KLHL3: variants seen among roughly 807,000 people sequenced by gnomAD.
The protein encoded by KLHL3 is kelch like family member 3, also known as kelch-like protein 3.
A neutral mutation model predicts 70.5 loss-of-function variants in KLHL3; 19 were observed. That is an observed-to-expected ratio of 0.27 (90% CI 0.19 to 0.40). The LOEUF (loss-of-function observed/expected upper bound fraction) is 0.40, where lower values mean the gene tolerates loss of function less well. Among genes scored for constraint, KLHL3 ranks in the 10% least tolerant of loss-of-function variants. The pLI, the probability that KLHL3 is intolerant of heterozygous loss-of-function variation, is 1.00. For missense variants in KLHL3, 512 were observed against 771.1 expected, an observed-to-expected ratio of 0.66 and a Z score of 3.98; for synonymous variants, 258 against 290.3, an observed-to-expected ratio of 0.89 and a Z score of 1.13.
At chr5:137,664,956 A>G (rs568409903) in intron 6 of KLHL3, among the ~76,000 whole-genome samples, 1 of 152,200 alleles carries the variant, frequency 6.6e-6, no homozygotes, top group Non-Finnish European at 1.5e-5. Flanking sequence ...ACCTTAAACA[A>G]GGGACCAAAT....
chr5:137,647,431 TG>T, intron 8 of KLHL3: 1 of 431,422 alleles, frequency 2.3e-6, no homozygotes, highest in Non-Finnish European at 4.7e-6. Flanking sequence ...ACCCTAGCCC[TG>T]GCCTCAGGAC....
chr5:137,628,089 A>C (rs1193055921), intron 13 of KLHL3: 1 of 588,866 alleles, frequency 1.7e-6, no homozygotes, highest in Non-Finnish European at 3.0e-6. Flanking sequence ...GATCCTCTGC[A>C]TCTAGGTTGC....
In KLHL3 at chr5:137,709,850, C is replaced by A. The variant is rs1249942938; in HGVS notation, c.141G>T (p.Gln47His). The change falls in exon 3 of 15, where the codon CAG becomes CAT. Residue 47 changes from glutamine (Q) to histidine (H), a missense_variant. Physicochemically the swap from Gln to His is conservative, Grantham distance 24 (BLOSUM62 0). Coordinates refer to ENST00000309755, the MANE Select transcript of KLHL3 (RefSeq NM_017415.3). Reference sequence around the variant, plus strand: ...CCACAATCATCACGTCACACAACAGCTGTTTACTGTAAGACACCAGTGAGA... The same window carrying A: ...CCACAATCATCACGTCACACAACAGATGTTTACTGTAAGACACCAGTGAGA... Reference protein sequence around the residue: ...FKVMNELRSKQLLCDVMIVAE... With the variant: ...FKVMNELRSKHLLCDVMIVAE... The A allele has an allele frequency of 2.5e-6, 4 of 1,613,850 alleles. No individual in the cohort carries two copies. Among genetic ancestry groups the A allele is most frequent in the Non-Finnish European group, 3.4e-6 (4 of 1,179,756 alleles).
intron 13 of KLHL3, chr5:137,628,086 T>C: frequency 1.7e-6 from 1 of 582,514 alleles, no homozygotes; most frequent in African/African-American, 1.9e-5. Context: ...GGGGATCCTC[T>C]GCATCTAGGT....
At chr5:137,719,133 G>A (rs1752950598) in intron 2 of KLHL3, among the ~76,000 whole-genome samples, 1 of 152,202 alleles carries the variant, frequency 6.6e-6, no homozygotes, top group South Asian at 2.1e-4. Context: ...TGTCATACTT[G>A]CTTCTGTAGC....
rs899660220 is a variant in KLHL3 at position 137,625,802 on chromosome 5, G to T, written c.1686C>A (p.Asp562Glu). ...ASVEYYNPVT[D>E]KWTLLPTNMS... is the part of the protein sequence containing the mutation. ...TGTTCGTTGGAAGCAGCGTCCATTT[G>T]TCAGTGACAGGATTGTAGTACTCCA... Residue 562 changes from aspartate to glutamate, a missense_variant, in exon 14 of 15, where the codon GAC becomes GAA. Coordinates refer to ENST00000309755, the MANE Select transcript of KLHL3 (RefSeq NM_017415.3). The T allele has an allele frequency of 6.2e-7, 1 of 1,614,130 alleles. No individual in the cohort carries two copies. Among genetic ancestry groups the T allele is most frequent in the Non-Finnish European group, 8.5e-7 (1 of 1,180,016 alleles).
chr5:137,658,001 A>G (rs998697572), intron 8 of KLHL3, 130 bp downstream of exon 8: 16 of 819,996 alleles, frequency 2.0e-5, no homozygotes, highest in Admixed American at 8.1e-5. Context: ...AGCAGACTCC[A>G]TCTCCTAGGT....
At chr5:137,717,144 C>T (rs935782467) in intron 2 of KLHL3, among the ~76,000 whole-genome samples, 1 of 152,208 alleles carries the variant, frequency 6.6e-6, no homozygotes, top group Admixed American at 6.5e-5. Context: ...CTTGGTGAGA[C>T]CCCTATGGCC....
rs1750786599 is a variant in KLHL3, at chr5:137,637,166, G to T, written c.1321+128C>A. Reference sequence around the variant, plus strand: ...CCTCATCCGCTAAATCAGGATAATAGTACCTAACCCAGAGGAGTGATCTCA... The same window carrying T: ...CCTCATCCGCTAAATCAGGATAATATTACCTAACCCAGAGGAGTGATCTCA... On this transcript the variant is annotated intron_variant, in intron 11 of 14. Transcript: ENST00000309755. 4.4e-6 allele frequency: 3 copies of T among 677,450 alleles called. No homozygotes were observed. In the East Asian group the frequency reaches 8.4e-5, roughly 19 times the overall value. The allele number at this position is 677,450 out of a possible 1,614,324, so 42.0% of individuals were successfully genotyped here.
chr5:137,678,786 T>TAA (rs1429031437), intron 5 of KLHL3, among the ~76,000 whole-genome samples: 1 of 151,772 alleles, frequency 6.6e-6, no homozygotes. Context: ...CTCTCAAATA[T>TAA]TGAGTTATAA....
intron 2 of KLHL3, among the ~76,000 whole-genome samples, chr5:137,711,221 A>C (rs1561616496): frequency 6.6e-6 from 1 of 152,244 alleles, no homozygotes; most frequent in Non-Finnish European, 1.5e-5. Flanking sequence ...AGTCACTGTC[A>C]ACTACTAAGA....
chr5:137,645,271 T>A (rs1751015598), intron 8 of KLHL3, among the ~76,000 whole-genome samples: 1 of 152,192 alleles, frequency 6.6e-6, no homozygotes, highest in South Asian at 2.1e-4. Context: ...GGATGCCCAC[T>A]TTCTCCACTT....
At chr5:137,624,952 A>T (rs1316064455) in intron 14 of KLHL3, among the ~76,000 whole-genome samples, 3 of 152,182 alleles carry the variant, frequency 2.0e-5, no homozygotes, top group African/African-American at 7.2e-5. Context: ...GCTTACCCTG[A>T]GCTGGGGTAG....
intron 2 of KLHL3, 103 bp from the exon 3 acceptor site, chr5:137,709,959 A>G: frequency 1.2e-6 from 1 of 864,952 alleles, no homozygotes; most frequent in Non-Finnish European, 1.9e-6. Context: ...CACTATCACT[A>G]TACAAAGCTG....
chr5:137,640,200 T>G (rs904831504), intron 8 of KLHL3, among the ~76,000 whole-genome samples: 2 of 152,228 alleles, frequency 1.3e-5, no homozygotes, highest in African/African-American at 4.8e-5. Context: ...ATAAGTTCTG[T>G]TTCCCAAATG....
At chr5:137,727,250 C>T (rs181788379) in intron 1 of KLHL3, among the ~76,000 whole-genome samples, 1 of 152,252 alleles carries the variant, frequency 6.6e-6, no homozygotes, top group Admixed American at 6.5e-5. Context: ...TCACTCCTCA[C>T]ATACAGCCAT....
At chr5:137,707,905 C>A (rs900606933) in intron 3 of KLHL3, among the ~76,000 whole-genome samples, 3 of 152,164 alleles carry the variant, frequency 2.0e-5, no homozygotes, top group African/African-American at 7.2e-5. Flanking sequence ...AAACAGATTC[C>A]TCTCTCAACA....
At chr5:137,705,194 C>G (rs1752661410) in intron 3 of KLHL3, among the ~76,000 whole-genome samples, 2 of 152,224 alleles carry the variant, frequency 1.3e-5, no homozygotes, top group Admixed American at 1.3e-4. Context: ...TTTTGCTGAG[C>G]TGCATGTTAT....
At chr5:137,712,747 G>C (rs1752818511) in intron 2 of KLHL3, among the ~76,000 whole-genome samples, 1 of 152,064 alleles carries the variant, frequency 6.6e-6, no homozygotes, top group Non-Finnish European at 1.5e-5. Context: ...AGGAGCTCAG[G>C]CTCTCAAATC....
Sources: allele counts gnomAD v4.1 joint callset (sites outside exome capture counted in the v4.1 genomes callset), GRCh38; gene constraint gnomAD v4.1.1; transcripts MANE v1.5; gene names NCBI Gene and HGNC (gene_info 2026-07-23, HGNC 2026-07-21).